MND1: variants seen among roughly 807,000 people sequenced by gnomAD.
MND1 encodes meiotic nuclear divisions 1.
A neutral mutation model predicts 35.1 loss-of-function variants in MND1; 28 were observed. That is an observed-to-expected ratio of 0.80 (90% CI 0.59 to 1.09). MND1 has a LOEUF of 1.09. MND1 is among the 50% of genes least tolerant of loss of function. MND1 has a pLI of 0.00. For missense variants in MND1, 213 were observed against 239.6 expected (o/e 0.89, Z 0.73); for synonymous variants, 69 against 70.5 (o/e 0.98, Z 0.11).
chr4:153,394,402 G>A, intron 5 of MND1, 66 bp downstream of exon 5: 1 of 1,304,086 alleles, frequency 7.7e-7, no homozygotes. Context: ...GCGACACAGA[G>A]CTTCCTGTGA....
At chr4:153,411,775 A>G (rs1729691225) in intron 7 of MND1, among the ~76,000 whole-genome samples, 1 of 152,148 alleles carries the variant, frequency 6.6e-6, no homozygotes, top group South Asian at 2.1e-4. Context: ...TTCTGTATTC[A>G]TGAAGCCTAT....
intron 6 of MND1, among the ~76,000 whole-genome samples, chr4:153,398,076 T>C (rs1161777355): frequency 6.6e-6 from 1 of 152,210 alleles, no homozygotes; most frequent in African/African-American, 2.4e-5. Context: ...AGTCTGTACA[T>C]TGAGTTGCCT....
intron 7 of MND1, among the ~76,000 whole-genome samples, chr4:153,410,756 C>T (rs994476523): frequency 6.6e-6 from 1 of 152,054 alleles, no homozygotes; most frequent in Admixed American, 6.6e-5. Flanking sequence ...TTTGGGAGGC[C>T]GAGGCAGGAG....
At chr4:153,402,010 C>G (rs1729358289) in intron 6 of MND1, among the ~76,000 whole-genome samples, 1 of 152,186 alleles carries the variant, frequency 6.6e-6, no homozygotes, top group South Asian at 2.1e-4. Context: ...CAACAATTAG[C>G]CAGGCATGGT....
chr4:153,397,318 G>A lies in MND1; in HGVS notation c.451G>A (p.Val151Ile). Residue 151 changes from valine (V) to isoleucine (I), a missense_variant, in exon 6 of 8, where the codon GTT (valine) becomes ATT (isoleucine). Coordinates refer to ENST00000240488, the MANE Select transcript of MND1 (RefSeq NM_032117.4). ...VEKYKDCDPQ[V>I]VEEIRQANKV... The stretch of plus-strand genomic sequence containing the variant: ...AAAATACAAAGACTGTGATCCGCAA[G>A]TTGTGGAAGAAATACGTAAGTTTGT... 1 of 1,611,076 alleles carries A rather than the reference G, an allele frequency of 6.2e-7. No individual in the cohort carries two copies. The highest frequency in any genetic ancestry group is 8.5e-7 in the Non-Finnish European group (1 of 1,178,330).
intron 2 of MND1, among the ~76,000 whole-genome samples, chr4:153,350,792 A>G (rs916457510): frequency 5.9e-5 from 9 of 152,144 alleles, no homozygotes; most frequent in African/African-American, 1.9e-4. Flanking sequence ...GACCTAAAAG[A>G]ACACCGACTT....
intron 4 of MND1, among the ~76,000 whole-genome samples, chr4:153,360,048 A>G (rs1172522103): frequency 6.6e-6 from 1 of 152,056 alleles, no homozygotes; most frequent in East Asian, 1.9e-4. Context: ...TGGCCTCCCA[A>G]AGTGCTGGGA....
chr4:153,387,283 C>T (rs961522037), intron 4 of MND1, among the ~76,000 whole-genome samples: 2 of 152,086 alleles, frequency 1.3e-5, no homozygotes, highest in Non-Finnish European at 2.9e-5. Flanking sequence ...TTTGAAAACA[C>T]TTCCATTGGT....
At chr4:153,378,341 T>G (rs1392510596) in intron 4 of MND1, among the ~76,000 whole-genome samples, 2 of 152,214 alleles carry the variant, frequency 1.3e-5, no homozygotes, top group Non-Finnish European at 2.9e-5. Flanking sequence ...TTTTTAACTT[T>G]TTTTTCTACT....
chr4:153,370,499 T>A (rs1474077350), intron 4 of MND1, among the ~76,000 whole-genome samples: 1 of 151,986 alleles, frequency 6.6e-6, no homozygotes, highest in African/African-American at 2.4e-5. Context: ...TTTGACCTCC[T>A]CCCCTTAATC....
At chr4:153,392,725 A>G (rs190956626) in intron 4 of MND1, among the ~76,000 whole-genome samples, 3 of 152,320 alleles carry the variant, frequency 2.0e-5, no homozygotes, top group East Asian at 1.9e-4. Context: ...TCAACATTCA[A>G]TATCTATAGT....
rs555653918 is a variant in MND1 at position 153,402,871 on chromosome 4, G to T, written c.466+5538G>T. Among the ~76,000 whole-genome samples the T allele has an allele frequency of 1.5e-4, 23 of 152,266 alleles. 1 individual carries two copies. The highest frequency in any genetic ancestry group is 5.5e-4 in the African/African-American group (23 of 41,544). ...GTAGACTAATCAAAAAGCTTAAAAGGGCCAGATGCAGTGGTTTATGCTTGT... is the reference window on the plus strand; with the variant it reads ...GTAGACTAATCAAAAAGCTTAAAAGTGCCAGATGCAGTGGTTTATGCTTGT... On this transcript the variant is annotated intron_variant, in intron 6 of 7. Transcript: ENST00000240488.
intron 6 of MND1, among the ~76,000 whole-genome samples, chr4:153,401,502 C>T (rs1323571205): frequency 6.6e-6 from 1 of 151,138 alleles, no homozygotes; most frequent in African/African-American, 2.5e-5. Context: ...CTTTAGAGAA[C>T]TTCTTAAGAC....
chr4:153,345,756 A>G (rs1232841360), intron 1 of MND1, among the ~76,000 whole-genome samples: 2 of 152,256 alleles, frequency 1.3e-5, no homozygotes, highest in Non-Finnish European at 2.9e-5. Context: ...ATGTAGTTAT[A>G]AATGATAACG....
At chr4:153,351,204 G>A (rs1773210426) in intron 2 of MND1, among the ~76,000 whole-genome samples, 1 of 152,072 alleles carries the variant, frequency 6.6e-6, no homozygotes, top group Admixed American at 6.6e-5. Flanking sequence ...TGAGGAGAGT[G>A]GTTGGGGAAA....
chr4:153,377,650 G>A (rs536958421), intron 4 of MND1, among the ~76,000 whole-genome samples: 5 of 152,124 alleles, frequency 3.3e-5, no homozygotes, highest in Admixed American at 1.3e-4. Context: ...TTCTGCTTCC[G>A]AAAAGGCTTT....
chr4:153,350,664 A>G (rs1243215220), intron 2 of MND1, among the ~76,000 whole-genome samples: 1 of 152,186 alleles, frequency 6.6e-6, no homozygotes, highest in Non-Finnish European at 1.5e-5. Context: ...TTCATCTCCT[A>G]AGTGAAGAGC....
intron 7 of MND1, among the ~76,000 whole-genome samples, chr4:153,413,187 TG>T (rs1158018357): frequency 6.6e-6 from 1 of 152,070 alleles, no homozygotes; most frequent in Non-Finnish European, 1.5e-5. Context: ...CATACAAATT[TG>T]GGGGGAAATG....
At chr4:153,401,339 G>A (rs892332580) in intron 6 of MND1, among the ~76,000 whole-genome samples, 6 of 152,278 alleles carry the variant, frequency 3.9e-5, no homozygotes, top group African/African-American at 1.4e-4. Flanking sequence ...CCCAAATGGA[G>A]TATGTTTTGG....
Sources: allele counts gnomAD v4.1 joint callset (sites outside exome capture counted in the v4.1 genomes callset), GRCh38; gene constraint gnomAD v4.1.1; transcripts MANE v1.5; gene names NCBI Gene and HGNC (gene_info 2026-07-23, HGNC 2026-07-21).